The following HHAT variants were observed in gnomAD, a reference collection of about 807,000 sequenced individuals.
The protein encoded by HHAT is protein-cysteine N-palmitoyltransferase HHAT.
HHAT carries 47 observed loss-of-function variants against 70.8 expected under a neutral mutation model. The observed-to-expected ratio is 0.66, with a 90% confidence interval of 0.53 to 0.85. The LOEUF (loss-of-function observed/expected upper bound fraction) is 0.85. Among genes scored for constraint, HHAT ranks in the 40% least tolerant of loss-of-function variants. The pLI is 0.00. For synonymous variants in HHAT, 228 were observed against 247.6 expected, an observed-to-expected ratio of 0.92 and a Z score of 0.74; for missense variants, 609 against 604.8, an observed-to-expected ratio of 1.01 and a Z score of -0.07.
chr1:210,639,583 T>G (rs1051184051), intron 11 of HHAT, among the ~76,000 whole-genome samples: 2 of 152,104 alleles, frequency 1.3e-5, no homozygotes, highest in South Asian at 4.1e-4. Flanking sequence ...TGCAGAAAAT[T>G]TGGGGTTTGT....
intron 11 of HHAT, among the ~76,000 whole-genome samples, chr1:210,672,295 A>G (rs1680243042): frequency 6.6e-6 from 1 of 152,128 alleles, no homozygotes; most frequent in South Asian, 2.1e-4. Flanking sequence ...CAAGAAGAGA[A>G]CCTGTAATCA....
chr1:210,522,523 C>A (rs916210819), intron 9 of HHAT, among the ~76,000 whole-genome samples: 1 of 152,250 alleles, frequency 6.6e-6, no homozygotes, highest in South Asian at 2.1e-4. Flanking sequence ...GGGCTGGGTC[C>A]CCCCTTCCAT....
At chr1:210,494,893 T>G (rs1572832932) in intron 8 of HHAT, among the ~76,000 whole-genome samples, 1 of 151,950 alleles carries the variant, frequency 6.6e-6, no homozygotes, top group African/African-American at 2.4e-5. Flanking sequence ...ATTTAAAAAG[T>G]AAGGAGATGT....
Position 210,674,540 on chromosome 1 carries a change from C to T in HHAT, c.*161C>T. 8.4e-6 allele frequency: 5 copies of T among 592,500 alleles called. No individual in the cohort carries two copies. The South Asian group carries it at 8.6e-5, about 10-fold the overall frequency. The allele number at this position is 592,500 out of a possible 1,614,324, so 36.7% of individuals were successfully genotyped here. On this transcript the variant is annotated 3_prime_UTR_variant, in exon 12 of 12. Transcript: ENST00000261458. ...GATGCTGGATCTCATAGAAAATTCA[C>T]AGCCAGACAATCTTCTAATCTGGAG... is the stretch of plus-strand genomic sequence containing the variant.
intron 9 of HHAT, among the ~76,000 whole-genome samples, chr1:210,520,504 A>G (rs182711425): frequency 1.4e-5 from 2 of 147,052 alleles, no homozygotes; most frequent in Admixed American, 6.9e-5. Flanking sequence ...TTTGTTTTTT[A>G]TCTTTCTCAT....
rs377040596 is a variant in HHAT, at chr1:210,363,714, T to C, written c.159+795T>C. Among the ~76,000 whole-genome samples, 84 of 152,306 alleles carry C rather than the reference T, an allele frequency of 5.5e-4. 5 individuals are homozygous for C. The South Asian group carries it at 0.017, about 31-fold the overall frequency. On this transcript the variant is annotated intron_variant, in intron 3 of 11. Coordinates refer to ENST00000261458, the MANE Select transcript of HHAT (RefSeq NM_018194.6). ...GTCAAGGCTAATTATTGGCTGTATA[T>C]TTGTTTTCTAAGTATTTTTATATGT...
At chr1:210,578,269 GAAAATC>G (rs1658371912) in intron 9 of HHAT, among the ~76,000 whole-genome samples, 1 of 152,244 alleles carries the variant, frequency 6.6e-6, no homozygotes, top group South Asian at 2.1e-4. Flanking sequence ...TCATGGAAAT[GAAAATC>G]AAAATCACAA....
At chr1:210,490,647 A>G (rs2094536708) in intron 8 of HHAT, among the ~76,000 whole-genome samples, 1 of 152,186 alleles carries the variant, frequency 6.6e-6, no homozygotes, top group Non-Finnish European at 1.5e-5. Flanking sequence ...TATTAATCAA[A>G]ACTAATGTTT....
chr1:210,645,630 G>A (rs187058487), intron 11 of HHAT, among the ~76,000 whole-genome samples: 31 of 152,294 alleles, frequency 2.0e-4, no homozygotes, highest in Non-Finnish European at 3.2e-4. Context: ...GGTTGGGTTC[G>A]CACTGCGAGG....
At chr1:210,673,430 G>A (rs538046231) in intron 11 of HHAT, among the ~76,000 whole-genome samples, 4 of 151,774 alleles carry the variant, frequency 2.6e-5, no homozygotes, top group African/African-American at 7.2e-5. Flanking sequence ...TATTATTCTA[G>A]GGGGAAACGT....
At chr1:210,388,266 C>G (rs907873474) in intron 4 of HHAT, among the ~76,000 whole-genome samples, 1 of 152,138 alleles carries the variant, frequency 6.6e-6, no homozygotes, top group Admixed American at 6.5e-5. Context: ...CGAATAAAAG[C>G]AAGACACAAC....
chr1:210,475,588 T>A (rs2094292794), intron 8 of HHAT, among the ~76,000 whole-genome samples: 1 of 152,194 alleles, frequency 6.6e-6, no homozygotes, highest in Non-Finnish European at 1.5e-5. Context: ...TGGGACTGAA[T>A]AATTTCATCC....
At chr1:210,446,993 C>G (rs1327888845) in intron 7 of HHAT, among the ~76,000 whole-genome samples, 1 of 152,204 alleles carries the variant, frequency 6.6e-6, no homozygotes, top group Non-Finnish European at 1.5e-5. Context: ...ATAATTGACA[C>G]TCCATAAATA....
chr1:210,576,687 GA>G (rs1195664677), intron 9 of HHAT, among the ~76,000 whole-genome samples: 2 of 151,902 alleles, frequency 1.3e-5, no homozygotes, highest in East Asian at 1.9e-4. Context: ...TTGAAAAAAA[GA>G]AAAAAAGAAC....
At chr1:210,447,998 A>T (rs1386678699) in intron 7 of HHAT, among the ~76,000 whole-genome samples, 1 of 151,806 alleles carries the variant, frequency 6.6e-6, no homozygotes, top group Non-Finnish European at 1.5e-5. Flanking sequence ...AGCTGCCTCG[A>T]TCAGGGACTC....
At chr1:210,489,808 G>A (rs948880945) in intron 8 of HHAT, among the ~76,000 whole-genome samples, 1 of 152,132 alleles carries the variant, frequency 6.6e-6, no homozygotes, top group Non-Finnish European at 1.5e-5. Context: ...AGTGAAAGAG[G>A]AGCTCAGGAG....
intron 2 of HHAT, among the ~76,000 whole-genome samples, chr1:210,353,687 C>A (rs190392278): frequency 6.6e-6 from 1 of 151,998 alleles, no homozygotes; most frequent in East Asian, 1.9e-4. Flanking sequence ...CATCTTCACT[C>A]CCTTCATTTC....
chr1:210,461,901 G>C (rs866867179), intron 7 of HHAT, among the ~76,000 whole-genome samples: 26 of 151,820 alleles, frequency 1.7e-4, no homozygotes, highest in Admixed American at 5.2e-4. Context: ...TTCACATAGT[G>C]GTTTAAAAAA....
intron 3 of HHAT, among the ~76,000 whole-genome samples, chr1:210,365,108 G>A (rs113580305): frequency 3.0e-3 from 450 of 152,242 alleles, no homozygotes; most frequent in Non-Finnish European, 4.8e-3. Flanking sequence ...TTAGGATCAA[G>A]ATACTCCTTG....
Sources: gnomAD v4.1 joint callset for allele counts (sites outside exome capture counted in the v4.1 genomes callset) on GRCh38, gnomAD v4.1.1 for gene constraint, MANE v1.5 for transcripts, NCBI Gene and HGNC (gene_info 2026-07-23, HGNC 2026-07-21) for gene names.